NXPH2: variants seen among roughly 807,000 people sequenced by gnomAD.
NXPH2 encodes the protein neurexophilin-2.
Under a neutral mutation model 19.8 loss-of-function variants are expected in NXPH2, and 5 were observed. The observed-to-expected ratio is 0.25, with a 90% CI of 0.13 to 0.53. The LOEUF is 0.53. Among genes scored for constraint, NXPH2 ranks in the 20% least tolerant of loss-of-function variants. The pLI is 0.96. For synonymous variants in NXPH2, 154 were observed against 127.4 expected, an observed-to-expected ratio of 1.21 and a Z score of -1.41; for missense variants, 289 against 322.8, an observed-to-expected ratio of 0.90 and a Z score of 0.80.
intron 1 of NXPH2, among the ~76,000 whole-genome samples, chr2:138,701,705 T>C (rs941337506): frequency 1.1e-4 from 16 of 152,316 alleles, no homozygotes; most frequent in Admixed American, 1.0e-3. Context: ...CTTTTTAATA[T>C]TTCAGGGAGA....
chr2:138,690,083 C>T (rs1680725459), intron 1 of NXPH2, among the ~76,000 whole-genome samples: 1 of 152,128 alleles, frequency 6.6e-6, no homozygotes, highest in Non-Finnish European at 1.5e-5. Context: ...TGCTGATTTC[C>T]TTTCTGATTT....
intron 1 of NXPH2, among the ~76,000 whole-genome samples, chr2:138,755,875 T>C (rs1422994966): frequency 6.6e-6 from 1 of 151,988 alleles, no homozygotes; most frequent in East Asian, 1.9e-4. Flanking sequence ...TTTTCACATA[T>C]AGATCATGTA....
intron 1 of NXPH2, among the ~76,000 whole-genome samples, chr2:138,728,157 T>G (rs201577325): frequency 3.0e-4 from 3 of 9,880 alleles, no homozygotes; most frequent in African/African-American, 4.2e-4. Context: ...CAGAGTGCGC[T>G]CTCTCTCTCT....
intron 1 of NXPH2, among the ~76,000 whole-genome samples, chr2:138,721,718 C>T (rs972919470): frequency 6.6e-6 from 1 of 152,140 alleles, no homozygotes; most frequent in East Asian, 1.9e-4. Context: ...GTTAAAGAAT[C>T]GCCCTTGCTA....
In NXPH2 at chr2:138,775,117, C is replaced by T. The variant is rs891127861; in HGVS notation, c.51+5074G>A. The stretch of plus-strand genomic sequence containing the variant: ...ACAAGAATGGCAATTTTAGATACAA[C>T]TATTTGATCTTTGTGAATGATCTGA... On this transcript the variant is annotated intron_variant, in intron 1 of 1. Coordinates refer to ENST00000272641, the MANE Select transcript of NXPH2 (RefSeq NM_007226.3). 7.2e-5 allele frequency among the ~76,000 whole-genome samples: 11 copies of T among 152,114 alleles called. 1 individual carries two copies. Among genetic ancestry groups the T allele is most frequent in the Admixed American group, 4.6e-4 (7 of 15,266 alleles).
chr2:138,716,005 T>G (rs574881667), intron 1 of NXPH2, among the ~76,000 whole-genome samples: 9 of 152,326 alleles, frequency 5.9e-5, no homozygotes, highest in African/African-American at 1.9e-4. Flanking sequence ...CCTGATGATC[T>G]ACTTTTTTCT....
At chr2:138,707,789 G>A (rs1304061642) in intron 1 of NXPH2, among the ~76,000 whole-genome samples, 1 of 152,028 alleles carries the variant, frequency 6.6e-6, no homozygotes, top group Non-Finnish European at 1.5e-5. Context: ...ATTATCCCTT[G>A]TAACTTTCTT....
chr2:138,703,025 T>C (rs566307159), intron 1 of NXPH2, among the ~76,000 whole-genome samples: 14 of 152,366 alleles, frequency 9.2e-5, no homozygotes, highest in South Asian at 8.3e-4. Flanking sequence ...CTTTGGCTTT[T>C]ATTTATGTCT....
intron 1 of NXPH2, among the ~76,000 whole-genome samples, chr2:138,774,535 A>T (rs1682229831): frequency 6.6e-6 from 1 of 152,248 alleles, no homozygotes; most frequent in Non-Finnish European, 1.5e-5. Flanking sequence ...AACCCCTGTT[A>T]CAACATATTA....
chr2:138,694,413 AAGAGG>A (rs1389517864), intron 1 of NXPH2, among the ~76,000 whole-genome samples: 1 of 152,260 alleles, frequency 6.6e-6, no homozygotes, highest in East Asian at 1.9e-4. Flanking sequence ...GTGTCTTTAT[AAGAGG>A]AGAGAAGCAC....
At chr2:138,713,098 C>T (rs184197551) in intron 1 of NXPH2, among the ~76,000 whole-genome samples, 1 of 152,222 alleles carries the variant, frequency 6.6e-6, no homozygotes, top group East Asian at 1.9e-4. Context: ...AGAAACAGTC[C>T]TTGCTAAGTC....
At chr2:138,773,113 G>C (rs904173822) in intron 1 of NXPH2, among the ~76,000 whole-genome samples, 19 of 152,204 alleles carry the variant, frequency 1.2e-4, no homozygotes, top group African/African-American at 4.3e-4. Context: ...GTGTGGCCTT[G>C]CACATGTTGA....
chr2:138,720,520 C>T (rs1161396406), intron 1 of NXPH2, among the ~76,000 whole-genome samples: 3 of 152,216 alleles, frequency 2.0e-5, no homozygotes, highest in Non-Finnish European at 2.9e-5. Context: ...ACGTAATTGA[C>T]AGTCATAAAT....
At chr2:138,733,450 G>C (rs975823177) in intron 1 of NXPH2, among the ~76,000 whole-genome samples, 1 of 152,112 alleles carries the variant, frequency 6.6e-6, no homozygotes, top group African/African-American at 2.4e-5. Context: ...ACTCAAAACT[G>C]GGAAAGATAG....
chr2:138,751,654 A>G (rs1375447819), intron 1 of NXPH2, among the ~76,000 whole-genome samples: 1 of 152,114 alleles, frequency 6.6e-6, no homozygotes, highest in Non-Finnish European at 1.5e-5. Context: ...ATATAATATA[A>G]CCATATTTCC....
intron 1 of NXPH2, among the ~76,000 whole-genome samples, chr2:138,717,335 G>C (rs188277583): frequency 6.6e-6 from 1 of 152,080 alleles, no homozygotes; most frequent in East Asian, 1.9e-4. Flanking sequence ...CAAGGCAACT[G>C]TCTTAGTCCG....
intron 1 of NXPH2, among the ~76,000 whole-genome samples, chr2:138,737,742 T>C (rs1476991935): frequency 1.3e-5 from 2 of 152,180 alleles, no homozygotes; most frequent in Admixed American, 6.5e-5. Context: ...TCCTCATCAG[T>C]ATCTATAAAA....
rs535413742 is a variant in NXPH2, at chr2:138,780,209, G to C, written c.33C>G (p.Val11=). ...CACTCACCAGCTGCAGCAAGCCAGG[G>C]ACCACCACGAGGGGCAGCGGCCGCA... MRLRPLPLVV[V]PGLLQLLFCD... Residue 11 remains valine (V), a synonymous_variant, in exon 1 of 2, where the codon GTC becomes GTG. Transcript: ENST00000272641. The C allele has an allele frequency of 6.7e-7, 1 of 1,482,824 alleles. No homozygotes were observed. The highest frequency in any genetic ancestry group is 8.9e-7 in the Non-Finnish European group (1 of 1,125,018). The allele number at this position is 1,482,824 out of a possible 1,614,324, so 91.9% of individuals were successfully genotyped here.
chr2:138,720,680 G>A (rs1271959576), intron 1 of NXPH2, among the ~76,000 whole-genome samples: 2 of 152,202 alleles, frequency 1.3e-5, no homozygotes, highest in Non-Finnish European at 2.9e-5. Context: ...CAGCACAGGG[G>A]GCTGGCTCCA....
Sources: allele counts gnomAD v4.1 joint callset (sites outside exome capture counted in the v4.1 genomes callset), GRCh38; gene constraint gnomAD v4.1.1; transcripts MANE v1.5; gene names NCBI Gene and HGNC (gene_info 2026-07-23, HGNC 2026-07-21).